TCERG1L: variants seen among roughly 807,000 people sequenced by gnomAD.
TCERG1L encodes the protein transcription elongation regulator 1 like, also known as transcription elongation regulator 1-like protein.
A neutral mutation model predicts 56.3 loss-of-function variants in TCERG1L; 37 were observed. The ratio of observed to expected loss-of-function variants is 0.66; its 90% CI spans 0.51 to 0.87. The LOEUF (loss-of-function observed/expected upper bound fraction) is 0.87, where lower values mean the gene tolerates loss of function less well. TCERG1L is among the 40% of genes least tolerant of loss of function. The pLI, the probability that TCERG1L is intolerant of heterozygous loss-of-function variation, is 0.00. For missense variants in TCERG1L, 799 were observed against 774.2 expected (o/e 1.03, Z -0.38); for synonymous variants, 324 against 326.3 (o/e 0.99, Z 0.08).
chr10:131,234,587 C>A (rs998160671), intron 4 of TCERG1L, among the ~76,000 whole-genome samples: 1 of 152,154 alleles, frequency 6.6e-6, no homozygotes, highest in African/African-American at 2.4e-5. Flanking sequence ...AGAGTGTACT[C>A]ATTTATTCTT....
rs544506987 is a variant in TCERG1L, at chr10:131,311,282, G to A, written c.342+12C>T. 8.8e-5 allele frequency: 106 copies of A among 1,203,988 alleles called. 1 individual carries two copies. In the Admixed American group the frequency reaches 4.5e-3, roughly 51 times the overall value. 74.6% of individuals were successfully genotyped at this position (1,203,988 alleles called of 1,614,324 possible). ...CGGCGACCCGGGCCGAGGCGGGACGGGGACACGTTACCTGCCCGTGGAGCG... is the reference window on the plus strand; with the variant it reads ...CGGCGACCCGGGCCGAGGCGGGACGAGGACACGTTACCTGCCCGTGGAGCG... On this transcript the variant is annotated intron_variant, in intron 1 of 11. Transcript: ENST00000368642. This position sits in a 1 kb window ranked among gnomAD's most constrained non-coding sequence, Gnocchi z 4.0.
chr10:131,093,616 A>T (rs1045695932), intron 11 of TCERG1L, among the ~76,000 whole-genome samples: 2 of 151,824 alleles, frequency 1.3e-5, no homozygotes, highest in East Asian at 3.9e-4. Context: ...TCACTCCCCC[A>T]GCCGCCCCGA....
At chr10:131,292,856 A>ATTTT (rs34216280) in intron 3 of TCERG1L, among the ~76,000 whole-genome samples, 1 of 140,860 alleles carries the variant, frequency 7.1e-6, no homozygotes, top group Non-Finnish European at 1.5e-5. Flanking sequence ...TATTTCTGGG[A>ATTTT]TTTTTTTTTT....
At position 131,260,393 on chromosome 10, in the gene TCERG1L, G is replaced by T; in HGVS notation, c.722C>A (p.Ala241Asp). 6.7e-7 allele frequency: 1 copy of T among 1,485,146 alleles called. No individual in the cohort carries two copies. Among genetic ancestry groups the T allele is most frequent in the Non-Finnish European group, 8.9e-7 (1 of 1,127,736 alleles). The allele number at this position is 1,485,146 out of a possible 1,614,324, so 92.0% of individuals were successfully genotyped here. Reference sequence around the variant, plus strand: ...GACCATGGCAGCGGCGGCGGCGGTGGCGATGGCAATGGCGGGGCTGCTGGT... The same window carrying T: ...GACCATGGCAGCGGCGGCGGCGGTGTCGATGGCAATGGCGGGGCTGCTGGT... The part of the protein sequence containing the change: ...KVTSSPAIAI[A>D]TAAAAAMVSV... The change falls in exon 4 of 12, where the codon GCC becomes GAC. Residue 241 changes from alanine to aspartate, a missense_variant. By Grantham distance (126) the Ala-to-Asp change is moderately radical. Transcript: ENST00000368642. This position sits in a 1 kb window ranked among gnomAD's most constrained non-coding sequence, Gnocchi z 5.8.
intron 8 of TCERG1L, among the ~76,000 whole-genome samples, chr10:131,132,782 G>A (rs1845631739): frequency 6.6e-6 from 1 of 152,184 alleles, no homozygotes; most frequent in South Asian, 2.1e-4. Context: ...CCCCAAAAGT[G>A]ACTTTCTAAG....
At chr10:131,280,808 G>C (rs1401550518) in intron 3 of TCERG1L, among the ~76,000 whole-genome samples, 1 of 152,092 alleles carries the variant, frequency 6.6e-6, no homozygotes, top group African/African-American at 2.4e-5. Flanking sequence ...ACAGGCTCAG[G>C]GTGGACAGCT....
intron 4 of TCERG1L, among the ~76,000 whole-genome samples, chr10:131,228,010 G>T (rs2133505873): frequency 7.0e-6 from 1 of 143,258 alleles, no homozygotes; most frequent in Admixed American, 7.2e-5. Flanking sequence ...CTTGGACTCT[G>T]TCCTCCTTGC....
chr10:131,228,160 C>G (rs1271073181), intron 4 of TCERG1L, among the ~76,000 whole-genome samples: 1 of 151,508 alleles, frequency 6.6e-6, no homozygotes, highest in Non-Finnish European at 1.5e-5. Context: ...CCTCCGGAGT[C>G]TCCCCTCCGG....
At chr10:131,310,340 C>T (rs1846872298) in intron 1 of TCERG1L, among the ~76,000 whole-genome samples, 1 of 152,180 alleles carries the variant, frequency 6.6e-6, no homozygotes, top group South Asian at 2.1e-4. Context: ...CATAAAAATA[C>T]AATATCCAGT....
chr10:131,116,822 G>A lies in TCERG1L; in HGVS notation c.1372C>T (p.Arg458Ter), dbSNP rs766742861. 1.8e-5 allele frequency: 29 copies of A among 1,570,402 alleles called. No individual in the cohort carries two copies. The highest frequency in any genetic ancestry group is 2.4e-5 in the East Asian group (1 of 42,538). ...ACCCCTCTCTCCAGCAGCATGTCTC[G>A]GAAGTGGGTCACACGCTCCTCCAGA... ...LPLEERVTHF[R>*]DMLLERGVSA... is the part of the protein sequence containing the mutation. Residue 458 changes from arginine (R) to a stop codon, truncating the protein, a stop_gained, in exon 9 of 12, where the codon CGA becomes TGA. Transcript: ENST00000368642. LOFTEE classifies it high-confidence loss of function.
chr10:131,095,935 A>G (rs1448212129), intron 11 of TCERG1L, among the ~76,000 whole-genome samples: 1 of 152,154 alleles, frequency 6.6e-6, no homozygotes, highest in Non-Finnish European at 1.5e-5. Flanking sequence ...TGATGTATTC[A>G]TGGGAAGGGG....
chr10:131,157,051 G>T (rs915975355), intron 6 of TCERG1L, among the ~76,000 whole-genome samples: 6 of 152,172 alleles, frequency 3.9e-5, no homozygotes, highest in Admixed American at 2.6e-4. Context: ...TTCTGGGCTA[G>T]GCACACCTAC....
chr10:131,116,708 G>A (rs1845462201), intron 9 of TCERG1L, 91 bp downstream of exon 9: 4 of 1,497,362 alleles, frequency 2.7e-6, no homozygotes, highest in Non-Finnish European at 3.6e-6. Context: ...TGAACTCAGT[G>A]AGGAGGCGAC....
chr10:131,258,864 C>T (rs1356330583), intron 4 of TCERG1L, among the ~76,000 whole-genome samples: 4 of 152,206 alleles, frequency 2.6e-5, no homozygotes, highest in Non-Finnish European at 5.9e-5. Flanking sequence ...CCCTGAGGTA[C>T]ACAGCTTTTG....
intron 3 of TCERG1L, among the ~76,000 whole-genome samples, chr10:131,278,193 G>A (rs1316526614): frequency 2.0e-5 from 3 of 152,008 alleles, no homozygotes; most frequent in East Asian, 3.9e-4. Context: ...ACGTGACCCC[G>A]GCCGAGTCGC....
At chr10:131,185,625 G>GTGTTCGTTTGA (rs1845231398) in intron 4 of TCERG1L, among the ~76,000 whole-genome samples, 1 of 152,074 alleles carries the variant, frequency 6.6e-6, no homozygotes, top group Non-Finnish European at 1.5e-5. Flanking sequence ...ACGGCGAACA[G>GTGTTCGTTTGA]GCATGTGAAA....
rs957539496 is a variant in TCERG1L, at chr10:131,110,957, T to C, written c.1395+5842A>G. On this transcript the variant is annotated intron_variant, in intron 9 of 11. Transcript: ENST00000368642. ...CCTCCGACAGAAGCAGAACGCTGCC[T>C]TCCATCTCTAAAACCAAAAAAAGGC... Among the ~76,000 whole-genome samples the C allele has an allele frequency of 3.5e-5, 5 of 142,604 alleles. 1 individual carries two copies. The highest frequency in any genetic ancestry group is 1.2e-4 in the African/African-American group (5 of 40,438). 93.6% of individuals were successfully genotyped at this position (142,604 alleles called of 152,430 possible). A position where few individuals can be genotyped will look rare whatever the true frequency, so the allele number is the denominator to read the frequency against.
At chr10:131,167,733 C>T (rs1333626363) in intron 4 of TCERG1L, among the ~76,000 whole-genome samples, 1 of 152,150 alleles carries the variant, frequency 6.6e-6, no homozygotes, top group African/African-American at 2.4e-5. Context: ...CCTGGTTTTT[C>T]CAGGGGGCCG....
At position 131,311,657 on chromosome 10, in the gene TCERG1L, CGGCGGCGGG is replaced by C. The variant is rs1263596063; in HGVS notation, c.-31_-23del. On this transcript the variant is annotated 5_prime_UTR_variant, in exon 1 of 12. Transcript: ENST00000368642. This position sits in a 1 kb window ranked among gnomAD's most constrained non-coding sequence, Gnocchi z 4.0. ...GCATCCTACATCCCCGCGCTGACGGCGGCGGCGGGGGCGGCGGGCGCCCGAGATGCTGGG... is the reference window on the plus strand; with the variant it reads ...GCATCCTACATCCCCGCGCTGACGGCGGCGGCGGGCGCCCGAGATGCTGGG... The C allele has an allele frequency of 1.5e-3, 1,642 of 1,102,448 alleles. 22 individuals are homozygous for C. The African/African-American group carries it at 0.025, about 17-fold the overall frequency. The allele number at this position is 1,102,448 out of a possible 1,614,324, so 68.3% of individuals were successfully genotyped here. A position where few individuals can be genotyped will look rare whatever the true frequency, so the allele number is the denominator to read the frequency against.
Sources: allele counts gnomAD v4.1 joint callset (sites outside exome capture counted in the v4.1 genomes callset), GRCh38; gene constraint gnomAD v4.1.1; non-coding constraint Gnocchi (gnomAD v3.1); transcripts MANE v1.5; gene names NCBI Gene and HGNC (gene_info 2026-07-23, HGNC 2026-07-21).